Variants in GRIP2 observed in about 807,000 individuals in gnomAD.
GRIP2 encodes the protein glutamate receptor interacting protein 2, also known as glutamate receptor-interacting protein 2.
In GRIP2, 58 loss-of-function variants were observed where a neutral mutation model predicts 108.3. That is an observed-to-expected ratio of 0.54 (90% CI 0.43 to 0.67). The LOEUF is 0.67. GRIP2 is among the 30% of genes least tolerant of loss of function. The probability of loss-of-function intolerance (pLI) is 0.00; values close to 1 mark genes in which losing one functional copy is unlikely to be tolerated. For synonymous variants in GRIP2, 586 were observed against 598.2 expected, an observed-to-expected ratio of 0.98 and a Z score of 0.30; for missense variants, 1,278 against 1,430.6, an observed-to-expected ratio of 0.89 and a Z score of 1.72.
In GRIP2 at chr3:14,493,759, T is replaced by G. The variant is rs201727899; in HGVS notation, c.3038A>C (p.Asp1013Ala). The change falls in exon 24 of 24, where the codon GAT becomes GCT. Residue 1013 changes from aspartate to alanine, a missense_variant. Coordinates refer to ENST00000621039, the MANE Select transcript of GRIP2 (RefSeq NM_001080423.4). ...LAVPLLAEAG[D>A]VLELIISRKP... is the part of the protein sequence containing the mutation. ...GCGGCTGATGATCAGCTCCAAGACA[T>G]CACCCGCCTCGGCCAGGAGTGGCAC... The G allele has an allele frequency of 2.7e-4, 428 of 1,612,082 alleles. 1 individual carries two copies. The African/African-American group carries it at 5.2e-3, about 20-fold the overall frequency.
upstream of GRIP2, among the ~76,000 whole-genome samples, chr3:14,559,628 C>T (rs965264038): frequency 3.9e-5 from 6 of 152,096 alleles, no homozygotes; most frequent in Non-Finnish European, 7.4e-5. Flanking sequence ...CCAGAAGTCA[C>T]TAGGGCTCAG....
rs1361726620 is a variant in GRIP2 at position 14,491,390 on chromosome 3, T to C, written c.*2275A>G. On this transcript the variant is annotated 3_prime_UTR_variant, in exon 24 of 24. Transcript: ENST00000621039. The stretch of plus-strand genomic sequence containing the variant: ...AATCTCAGCCAGAGAAAAATACAGC[T>C]TTGGGGGAGAGGGCAGGTGGAAGGG... 6.6e-6 allele frequency: 1 copy of C among 151,986 alleles called. No individual in the cohort carries two copies. The highest frequency in any genetic ancestry group is 1.5e-5 in the Non-Finnish European group (1 of 68,000). The allele number at this position is 151,986 out of a possible 1,614,324, so 9.4% of individuals were successfully genotyped here.
chr3:14,506,315 C>T (rs1030502588), intron 19 of GRIP2, among the ~76,000 whole-genome samples: 7 of 152,228 alleles, frequency 4.6e-5, no homozygotes, highest in African/African-American at 1.4e-4. Flanking sequence ...CAGACTCAGA[C>T]GTCTCCCTGC....
At chr3:14,573,558 C>T in the GRIP2 span, 1 of 1,446,468 alleles carries the variant, frequency 6.9e-7, no homozygotes, top group Non-Finnish European at 9.7e-7. Context: ...ATGGAAATAG[C>T]CCCTCATGAA....
the GRIP2 span, among the ~76,000 whole-genome samples, chr3:14,587,123 G>A: frequency 6.6e-6 from 1 of 152,126 alleles, no homozygotes; most frequent in Non-Finnish European, 1.5e-5. Flanking sequence ...CACTTAAGAG[G>A]ATTTATTTTC....
At chr3:14,567,354 C>A in the GRIP2 span, among the ~76,000 whole-genome samples, 1 of 152,174 alleles carries the variant, frequency 6.6e-6, no homozygotes, top group South Asian at 2.1e-4. Flanking sequence ...CATGGGATCC[C>A]GCTCAGTGAG....
Position 14,517,172 on chromosome 3 carries a change from C to G in GRIP2, c.1198G>C (p.Ala400Pro), listed in dbSNP as rs370742404. The change falls in exon 11 of 24, where the codon GCC becomes CCC. Residue 400 changes from alanine to proline, a missense_variant. By Grantham distance (27) the Ala-to-Pro change is conservative. Transcript: ENST00000621039. ...GTGCTGGGGTTGTTGCAGGAAAAGGCGTGGTTCAAGGTCGGCGAGGAAAAG... is the reference window on the plus strand; with the variant it reads ...GTGCTGGGGTTGTTGCAGGAAAAGGGGTGGTTCAAGGTCGGCGAGGAAAAG... ...TPFSSPTLNH[A>P]FSCNNPSTLP... 5.6e-6 allele frequency: 9 copies of G among 1,606,630 alleles called. No individual in the cohort carries two copies. The South Asian group carries it at 1.0e-4, about 18-fold the overall frequency.
chr3:14,578,254 C>T, the GRIP2 span, among the ~76,000 whole-genome samples: 2 of 152,192 alleles, frequency 1.3e-5, no homozygotes, highest in East Asian at 3.8e-4. Flanking sequence ...AGCACAGGGA[C>T]CTGGGTCTGA....
chr3:14,536,478 C>T (rs11717291), intron 1 of GRIP2, among the ~76,000 whole-genome samples: 7,307 of 152,314 alleles, frequency 0.048, 232 homozygotes, highest in East Asian at 0.15. Flanking sequence ...AAGGTGACAG[C>T]TCCAGTATCC....
At chr3:14,542,081 T>C, upstream of GRIP2, 1 of 1,346,180 alleles carries the variant, frequency 7.4e-7, no homozygotes, top group Non-Finnish European at 9.9e-7. Context: ...GACAGGCGCA[T>C]GGCACCCAGG....
Position 14,540,220 on chromosome 3 carries a change from T to G in GRIP2, c.40+49A>C. The G allele has an allele frequency of 6.3e-7, 1 of 1,598,776 alleles. No individual in the cohort carries two copies. The highest frequency in any genetic ancestry group is 8.6e-7 in the Non-Finnish European group (1 of 1,169,448). ...TCTCTGGGCAGCAGCTCCAGAGGGA[T>G]CTATGTGTTCAGCCCCATCACTCTG... is the stretch of plus-strand genomic sequence containing the variant. On this transcript the variant is annotated intron_variant, in intron 1 of 23. Transcript: ENST00000621039. The surrounding 1 kb of genome is among the most constrained non-coding windows in gnomAD (Gnocchi z 4.1).
At chr3:14,566,540 C>T in the GRIP2 span, among the ~76,000 whole-genome samples, 8 of 152,336 alleles carry the variant, frequency 5.3e-5, no homozygotes, top group Admixed American at 3.3e-4. Flanking sequence ...GCCACAGCAG[C>T]GAGTGGAGCC....
At chr3:14,545,854 G>A (rs1177508086), upstream of GRIP2, among the ~76,000 whole-genome samples, 2 of 152,214 alleles carry the variant, frequency 1.3e-5, no homozygotes, top group Admixed American at 1.3e-4. Flanking sequence ...ACCTTCCAGA[G>A]GTCAGCTGGG....
At chr3:14,523,193 C>A in intron 5 of GRIP2, 118 bp from the exon 6 acceptor site, 1 of 740,818 alleles carries the variant, frequency 1.3e-6, no homozygotes, top group East Asian at 2.5e-5. Flanking sequence ...CTTGTCCTTG[C>A]TATCCATGGA....
the GRIP2 span, chr3:14,601,988 A>C: frequency 6.6e-6 from 1 of 152,240 alleles, no homozygotes; most frequent in Non-Finnish European, 1.5e-5. Flanking sequence ...CTTATCTGCA[A>C]AGCGAAAGAA....
Position 14,505,724 on chromosome 3 carries a change from T to G in GRIP2, c.2464A>C (p.Arg822=), listed in dbSNP as rs1369702286. The G allele has an allele frequency of 3.8e-6, 6 of 1,588,494 alleles. No individual in the cohort carries two copies. Among genetic ancestry groups the G allele is most frequent in the Non-Finnish European group, 4.3e-6 (5 of 1,167,764 alleles). ...GGCTCGGTGGGTGGGGGGCTGCCCC[T>G]CAGCCAGCCAGGCCTCCGCTCCTGG... is the stretch of plus-strand genomic sequence containing the variant. ...TPQERRPGWL[R]GSPPPTEPRR... The change falls in exon 20 of 24, where the codon AGG becomes CGG. Residue 822 remains arginine, a synonymous_variant. Transcript: ENST00000621039. This position sits in a 1 kb window ranked among gnomAD's most constrained non-coding sequence, Gnocchi z 4.2.
In GRIP2 at chr3:14,512,358, T is replaced by A. The variant is rs960898496; in HGVS notation, c.1720+419A>T. 3.3e-5 allele frequency among the ~76,000 whole-genome samples: 5 copies of A among 152,202 alleles called. No homozygotes were observed. Among genetic ancestry groups the A allele is most frequent in the Non-Finnish European group, 7.3e-5 (5 of 68,032 alleles). ...CTTTCCCATGCTCACCCATTCTACG[T>A]TTTTCTTCTGCATTCCTCATTTTCA... is the stretch of plus-strand genomic sequence containing the variant. On this transcript the variant is annotated intron_variant, in intron 14 of 23. Coordinates refer to ENST00000621039, the MANE Select transcript of GRIP2 (RefSeq NM_001080423.4). The surrounding 1 kb of genome is among the most constrained non-coding windows in gnomAD (Gnocchi z 5.1).
Position 14,496,427 on chromosome 3 carries a change from T to A in GRIP2, c.2813A>T (p.Glu938Val), listed in dbSNP as rs377480663. 6 of 1,611,288 alleles carry A rather than the reference T, an allele frequency of 3.7e-6. No homozygotes were observed. Among genetic ancestry groups the A allele is most frequent in the African/African-American group, 1.3e-5 (1 of 74,894 alleles). The change falls in exon 22 of 24, where the codon GAG becomes GTG. Residue 938 changes from glutamate to valine, a missense_variant. Coordinates refer to ENST00000621039, the MANE Select transcript of GRIP2 (RefSeq NM_001080423.4). ...MEELLLPTPL[E>V]MHKVTLHKDP... Reference sequence around the variant, plus strand: ...ACCCCCTGTGCCTACCTTGTGCATCTCCAAGGGTGTAGGCAGCAACAGCTC... The same window carrying A: ...ACCCCCTGTGCCTACCTTGTGCATCACCAAGGGTGTAGGCAGCAACAGCTC...
the GRIP2 span, among the ~76,000 whole-genome samples, chr3:14,583,044 A>AGACTCAG: frequency 6.6e-6 from 1 of 152,210 alleles, no homozygotes; most frequent in African/African-American, 2.4e-5. Flanking sequence ...GAAGACACTG[A>AGACTCAG]GACTCAGAGC....
Sources: allele counts gnomAD v4.1 joint callset (sites outside exome capture counted in the v4.1 genomes callset), GRCh38; gene constraint gnomAD v4.1.1; non-coding constraint Gnocchi (gnomAD v3.1); transcripts MANE v1.5; gene names NCBI Gene and HGNC (gene_info 2026-07-23, HGNC 2026-07-21).